The following CLVS1 variants were observed in gnomAD, a reference collection of about 807,000 sequenced individuals.
CLVS1 encodes the protein clavesin 1.
Under a neutral mutation model 33.1 loss-of-function variants are expected in CLVS1, and 10 were observed. That is an observed-to-expected ratio of 0.30 (90% confidence interval 0.19 to 0.51). CLVS1 has a LOEUF of 0.51. Ranked by LOEUF, CLVS1 falls within the 20% of genes least tolerant of loss-of-function variation. CLVS1 has a pLI of 0.97. For missense variants in CLVS1, 343 were observed against 433.4 expected (o/e 0.79, Z 1.85); for synonymous variants, 163 against 166.1 (o/e 0.98, Z 0.14).
chr8:61,027,632 A>G, the CLVS1 span, among the ~76,000 whole-genome samples: 1 of 152,134 alleles, frequency 6.6e-6, no homozygotes, highest in Non-Finnish European at 1.5e-5. Flanking sequence ...ACAATGATTT[A>G]CCACTTCATG....
intron 1 of CLVS1, among the ~76,000 whole-genome samples, chr8:61,096,920 G>A (rs528502347): frequency 6.6e-5 from 10 of 152,042 alleles, no homozygotes; most frequent in Non-Finnish European, 1.3e-4. Flanking sequence ...CACTAGCATC[G>A]TATTGTTTTT....
intron 2 of CLVS1, among the ~76,000 whole-genome samples, chr8:61,191,306 C>T (rs890406557): frequency 6.6e-6 from 1 of 152,086 alleles, no homozygotes; most frequent in Non-Finnish European, 1.5e-5. Flanking sequence ...GCAGAAAAGG[C>T]CTTTGACAAA....
chr8:61,165,523 A>T (rs1346138172), intron 2 of CLVS1, among the ~76,000 whole-genome samples: 1 of 152,074 alleles, frequency 6.6e-6, no homozygotes, highest in Non-Finnish European at 1.5e-5. Flanking sequence ...GAGCTCTCTG[A>T]TTGGTTGGGT....
intron 2 of CLVS1, among the ~76,000 whole-genome samples, chr8:61,332,280 C>G (rs1331435019): frequency 6.6e-6 from 1 of 152,142 alleles, no homozygotes; most frequent in African/African-American, 2.4e-5. Context: ...TTTTCCAGCA[C>G]CCTCAGACAG....
At chr8:61,341,165 G>A (rs893055337) in intron 2 of CLVS1, among the ~76,000 whole-genome samples, 5 of 152,070 alleles carry the variant, frequency 3.3e-5, no homozygotes, top group African/African-American at 9.7e-5. Context: ...TTGGCTTCGT[G>A]ATCATTTCAG....
At chr8:61,165,048 G>A (rs1806829878) in intron 2 of CLVS1, among the ~76,000 whole-genome samples, 1 of 152,212 alleles carries the variant, frequency 6.6e-6, no homozygotes, top group South Asian at 2.1e-4. Flanking sequence ...GAAGCCGTGG[G>A]TCACGGAAGA....
chr8:61,419,693 CT>C (rs1437976161), intron 3 of CLVS1, among the ~76,000 whole-genome samples: 1 of 152,212 alleles, frequency 6.6e-6, no homozygotes, highest in Non-Finnish European at 1.5e-5. Flanking sequence ...AAGCAGCTGA[CT>C]CTAGGAGCTG....
At chr8:61,478,602 G>C (rs1404616802) in intron 5 of CLVS1, among the ~76,000 whole-genome samples, 2 of 152,068 alleles carry the variant, frequency 1.3e-5, no homozygotes, top group East Asian at 1.9e-4. Context: ...GATCTTTGTT[G>C]GTTTAAAGTC....
intron 1 of CLVS1, among the ~76,000 whole-genome samples, chr8:61,290,670 A>G (rs551145372): frequency 6.6e-6 from 1 of 152,232 alleles, no homozygotes; most frequent in Non-Finnish European, 1.5e-5. Context: ...AGAGACTTCC[A>G]TCCTTAGTAA....
At chr8:61,119,327 A>G (rs1013857280) in intron 1 of CLVS1, among the ~76,000 whole-genome samples, 4 of 151,748 alleles carry the variant, frequency 2.6e-5, no homozygotes, top group African/African-American at 9.7e-5. Context: ...TCTTTATCCC[A>G]TTTGCCAGTC....
intron 2 of CLVS1, among the ~76,000 whole-genome samples, chr8:61,184,363 T>C (rs1419193762): frequency 2.0e-5 from 3 of 152,204 alleles, no homozygotes; most frequent in Admixed American, 2.0e-4. Flanking sequence ...CAGGACTTTC[T>C]TCCTATGCAG....
intron 2 of CLVS1, among the ~76,000 whole-genome samples, chr8:61,185,304 G>C (rs559579576): frequency 2.8e-5 from 3 of 106,762 alleles, no homozygotes; most frequent in African/African-American, 1.0e-4. Context: ...ACCATGCCCG[G>C]CTAATTTTTT....
intron 2 of CLVS1, among the ~76,000 whole-genome samples, chr8:61,227,789 G>A (rs1286836450): frequency 6.6e-6 from 1 of 152,128 alleles, no homozygotes; most frequent in Non-Finnish European, 1.5e-5. Context: ...ACAGATGTCT[G>A]GGTGCCCAGT....
chr8:61,148,039 C>T lies in CLVS1; in HGVS notation c.-152+16179C>T, dbSNP rs73682183. 5.5e-3 allele frequency among the ~76,000 whole-genome samples: 834 copies of T among 152,240 alleles called. 8 individuals carry two copies. The highest frequency in any genetic ancestry group is 0.017 in the African/African-American group (726 of 41,558). ...CACATATTTAGAACATAGTTTTAAA[C>T]GGGAGTTTTTGAGTACTCCAAGTCA... On this transcript the variant is annotated intron_variant, in intron 2 of 2. Transcript: ENST00000522621.
At chr8:61,193,524 A>G (rs915039833) in intron 2 of CLVS1, among the ~76,000 whole-genome samples, 3 of 152,100 alleles carry the variant, frequency 2.0e-5, no homozygotes, top group Non-Finnish European at 4.4e-5. Context: ...ATAATAAAAA[A>G]AAAAGAAAAA....
chr8:61,204,786 T>A (rs1226270413), intron 2 of CLVS1, among the ~76,000 whole-genome samples: 1 of 152,050 alleles, frequency 6.6e-6, no homozygotes, highest in Non-Finnish European at 1.5e-5. Flanking sequence ...CTTAGTGTAA[T>A]TCCTTTGCTT....
intron 1 of CLVS1, among the ~76,000 whole-genome samples, chr8:61,093,017 G>A (rs184267164): frequency 5.8e-4 from 89 of 152,186 alleles, no homozygotes; most frequent in South Asian, 2.3e-3. Context: ...GCTCCTCACC[G>A]CAAAATGGGA....
intron 2 of CLVS1, among the ~76,000 whole-genome samples, chr8:61,150,995 T>C (rs1806522117): frequency 6.6e-6 from 1 of 152,220 alleles, no homozygotes; most frequent in African/African-American, 2.4e-5. Flanking sequence ...GGGGCCTGTA[T>C]AAGCCAGATG....
intron 1 of CLVS1, among the ~76,000 whole-genome samples, chr8:61,074,777 G>A (rs997715029): frequency 1.3e-5 from 2 of 152,006 alleles, no homozygotes; most frequent in Admixed American, 1.3e-4. Context: ...TACCTTGCAG[G>A]ATTGTTTGTA....
Sources: allele counts gnomAD v4.1 joint callset (sites outside exome capture counted in the v4.1 genomes callset), GRCh38; gene constraint gnomAD v4.1.1; transcripts MANE v1.5; gene names NCBI Gene and HGNC (gene_info 2026-07-23, HGNC 2026-07-21).